The following CHN2 variants were observed in gnomAD, a reference collection of about 807,000 sequenced individuals.
CHN2 encodes the protein chimerin 2.
In CHN2, 35 loss-of-function variants were observed where a neutral mutation model predicts 56.3. The observed-to-expected ratio is 0.62, with a 90% CI of 0.47 to 0.82. The LOEUF (loss-of-function observed/expected upper bound fraction) is 0.82, where lower values mean the gene tolerates loss of function less well. Among genes scored for constraint, CHN2 ranks in the 40% least tolerant of loss-of-function variants. CHN2 has a pLI of 0.00. For missense variants in CHN2, 491 were observed against 580.5 expected (o/e 0.85, Z 1.58); for synonymous variants, 210 against 212.8 (o/e 0.99, Z 0.12).
chr7:29,212,822 C>G (rs1459760778), intron 1 of CHN2: 1 of 1,607,718 alleles, frequency 6.2e-7, no homozygotes, highest in African/African-American at 1.3e-5. Context: ...ACCTACCTAC[C>G]CCAGCCACTA....
chr7:29,356,375 G>A (rs1019809252), intron 2 of CHN2, among the ~76,000 whole-genome samples: 9 of 151,966 alleles, frequency 5.9e-5, no homozygotes, highest in Admixed American at 1.3e-4. Flanking sequence ...GCAATACAAA[G>A]CTACATAAAA....
In CHN2 at chr7:29,400,708, C is replaced by G. The variant is rs750044530; in HGVS notation, c.456C>G (p.Ile152Met). ...TTTCAAAAATGACAACTAACCCCAT[C>G]TATGAACACATTGGATATGCCACCC... ...EYISKMTTNP[I>M]YEHIGYATLL... Residue 152 changes from isoleucine to methionine, a missense_variant, in exon 6 of 13, where the codon ATC becomes ATG. Physicochemically the swap from Ile to Met is conservative, Grantham distance 10. Transcript: ENST00000222792. 1.1e-5 allele frequency: 18 copies of G among 1,614,182 alleles called. No homozygotes were observed. Among genetic ancestry groups the G allele is most frequent in the Middle Eastern group, 1.6e-4 (1 of 6,062 alleles).
intron 1 of CHN2, among the ~76,000 whole-genome samples, chr7:29,280,204 C>T (rs534377764): frequency 7.9e-5 from 12 of 151,534 alleles, no homozygotes; most frequent in South Asian, 6.3e-4. Flanking sequence ...GCCAACATGG[C>T]GAAACCCCGT....
chr7:29,266,059 C>G (rs1790113302), intron 1 of CHN2, among the ~76,000 whole-genome samples: 1 of 152,156 alleles, frequency 6.6e-6, no homozygotes, highest in South Asian at 2.1e-4. Flanking sequence ...ATTAGTCCTG[C>G]CATTGGCAGT....
At chr7:29,318,770 T>C (rs747880362) in intron 1 of CHN2, among the ~76,000 whole-genome samples, 6 of 152,244 alleles carry the variant, frequency 3.9e-5, no homozygotes, top group Non-Finnish European at 7.3e-5. Flanking sequence ...TTCTGCACAG[T>C]AACAAATAGC....
chr7:29,266,276 T>G (rs1298525756), intron 1 of CHN2, among the ~76,000 whole-genome samples: 1 of 152,168 alleles, frequency 6.6e-6, no homozygotes, highest in Admixed American at 6.5e-5. Context: ...CTGTAACTCC[T>G]CCCTCCTCCC....
intron 1 of CHN2, among the ~76,000 whole-genome samples, chr7:29,215,634 A>G (rs916417387): frequency 2.6e-5 from 4 of 151,984 alleles, no homozygotes; most frequent in East Asian, 1.9e-4. Context: ...ACTTGTTGCT[A>G]TGTCATTCCA....
intron 6 of CHN2, among the ~76,000 whole-genome samples, chr7:29,460,308 C>T (rs1785069495): frequency 6.6e-6 from 1 of 152,064 alleles, no homozygotes; most frequent in Non-Finnish European, 1.5e-5. Context: ...AAACCCATCA[C>T]CCTTTTGTAA....
At chr7:29,275,478 C>T (rs1252937771) in intron 1 of CHN2, among the ~76,000 whole-genome samples, 2 of 152,216 alleles carry the variant, frequency 1.3e-5, no homozygotes, top group Admixed American at 6.5e-5. Context: ...TTATCTGCAC[C>T]GTTTTGAAAG....
chr7:29,312,471 T>C (rs561493691), intron 1 of CHN2, among the ~76,000 whole-genome samples: 98 of 152,304 alleles, frequency 6.4e-4, no homozygotes, highest in African/African-American at 2.3e-3. Flanking sequence ...CCACATGCCA[T>C]AGATTTTGTC....
intron 12 of CHN2, among the ~76,000 whole-genome samples, chr7:29,510,344 CAGG>C (rs1791155779): frequency 6.6e-6 from 1 of 152,108 alleles, no homozygotes; most frequent in Non-Finnish European, 1.5e-5. Context: ...GAGGCTGAGA[CAGG>C]AGAATTGCTT....
At chr7:29,437,036 C>T (rs1380580816) in intron 6 of CHN2, among the ~76,000 whole-genome samples, 1 of 151,868 alleles carries the variant, frequency 6.6e-6, no homozygotes, top group African/African-American at 2.4e-5. Flanking sequence ...AGATAAGCAA[C>T]AAAGATAATA....
intron 1 of CHN2, among the ~76,000 whole-genome samples, chr7:29,285,340 T>C (rs900679264): frequency 7.9e-5 from 12 of 152,250 alleles, no homozygotes; most frequent in African/African-American, 2.9e-4. Flanking sequence ...TCACGTTTCA[T>C]GGAAGCCTTC....
chr7:29,485,558 G>C (rs1386639588), intron 7 of CHN2, among the ~76,000 whole-genome samples: 1 of 152,196 alleles, frequency 6.6e-6, no homozygotes, highest in Non-Finnish European at 1.5e-5. Context: ...TGGGTAGGTG[G>C]AAAGTTGGCT....
intron 1 of CHN2, among the ~76,000 whole-genome samples, chr7:29,295,383 C>CT (rs1031231696): frequency 1.3e-5 from 2 of 149,858 alleles, no homozygotes; most frequent in African/African-American, 4.9e-5. Context: ...TTATATCATA[C>CT]TTTTTTGGTA....
intron 6 of CHN2, among the ~76,000 whole-genome samples, chr7:29,404,511 A>G (rs1439984019): frequency 6.6e-6 from 1 of 152,162 alleles, no homozygotes. Context: ...ATGTCCATCA[A>G]TTTGAGACTG....
intron 2 of CHN2, among the ~76,000 whole-genome samples, chr7:29,173,129 T>G (rs13244357): frequency 8.4e-6 from 1 of 119,228 alleles, no homozygotes; most frequent in African/African-American, 3.3e-5. Flanking sequence ...AGACTCTGTA[T>G]CAAAAAAAAA....
intron 9 of CHN2, 32 bp downstream of exon 9, chr7:29,500,072 A>C: frequency 2.1e-6 from 3 of 1,425,740 alleles, no homozygotes; most frequent in Non-Finnish European, 2.8e-6. Flanking sequence ...ATAGTAGTAT[A>C]GTGATTTTAT....
At chr7:29,422,680 C>T (rs1357360727) in intron 6 of CHN2, among the ~76,000 whole-genome samples, 1 of 152,196 alleles carries the variant, frequency 6.6e-6, no homozygotes, top group Non-Finnish European at 1.5e-5. Context: ...GGTATTTCTA[C>T]GAGATGTCAG....
Sources: allele counts gnomAD v4.1 joint callset (sites outside exome capture counted in the v4.1 genomes callset), GRCh38; gene constraint gnomAD v4.1.1; transcripts MANE v1.5; gene names NCBI Gene and HGNC (gene_info 2026-07-23, HGNC 2026-07-21).